The following CACYBP variants were observed in gnomAD, a reference collection of about 807,000 sequenced individuals.
CACYBP encodes calcyclin-binding protein.
CACYBP carries 11 observed loss-of-function variants against 29.6 expected under a neutral mutation model. The ratio of observed to expected loss-of-function variants is 0.37; its 90% confidence interval spans 0.23 to 0.61. The LOEUF (loss-of-function observed/expected upper bound fraction) is 0.61. Among genes scored for constraint, CACYBP ranks in the 20% least tolerant of loss-of-function variants. CACYBP has a pLI of 0.65. For missense variants in CACYBP, 163 were observed against 260.7 expected (o/e 0.63, Z 2.58); for synonymous variants, 73 against 88.3 (o/e 0.83, Z 0.97).
intron 4 of CACYBP, among the ~76,000 whole-genome samples, chr1:175,008,041 G>C (rs904035178): frequency 7.2e-5 from 11 of 152,138 alleles, no homozygotes; most frequent in Admixed American, 6.5e-4. Flanking sequence ...TAGTCCCATA[G>C]GTAGAGTACC....
intron 2 of CACYBP, among the ~76,000 whole-genome samples, chr1:175,006,027 C>G (rs550297796): frequency 6.6e-6 from 1 of 152,162 alleles, no homozygotes; most frequent in African/African-American, 2.4e-5. Flanking sequence ...GAGCAATAGT[C>G]AGGGATATGT....
chr1:175,001,719 C>A (rs1281136384), intron 1 of CACYBP, among the ~76,000 whole-genome samples: 1 of 152,146 alleles, frequency 6.6e-6, no homozygotes, highest in Non-Finnish European at 1.5e-5. Flanking sequence ...TGTGTTTATC[C>A]TTTCATCCGT....
In CACYBP at chr1:175,008,512, T is replaced by C. The variant is rs1672671749; in HGVS notation, c.433-97T>C. On this transcript the variant is annotated intron_variant, in intron 4 of 5. Coordinates refer to ENST00000367679, the MANE Select transcript of CACYBP (RefSeq NM_014412.3). ...GCACCCAAAATAAGTCTATACATAC[T>C]AGGGACTTGATCAATTGAATAGATA... 3 of 706,852 alleles carry C rather than the reference T, an allele frequency of 4.2e-6. No homozygotes were observed. In the South Asian group the frequency reaches 5.3e-5, roughly 12 times the overall value. The allele number at this position is 706,852 out of a possible 1,614,324, so 43.8% of individuals were successfully genotyped here.
chr1:175,009,983 A>C lies in CACYBP; in HGVS notation c.591A>C (p.Lys197Asn), dbSNP rs746637081. 6.2e-7 allele frequency: 1 copy of C among 1,613,272 alleles called. No homozygotes were observed. Among genetic ancestry groups the C allele is most frequent in the Admixed American group, 1.7e-5 (1 of 59,984 alleles). The change falls in exon 6 of 6, where the codon AAA (lysine) becomes AAC (asparagine). Residue 197 changes from lysine to asparagine, a missense_variant. By Grantham distance (94) the Lys-to-Asn change is moderately conservative. Coordinates refer to ENST00000367679, the MANE Select transcript of CACYBP (RefSeq NM_014412.3). ...AGGGATTGATGAATGTTCTAAAGAA[A>C]ATTTATGAAGATGGAGACGATGATA... The part of the protein sequence containing the change: ...PSEGLMNVLK[K>N]IYEDGDDDMK...
chr1:175,009,750 G>A (rs573670145), intron 5 of CACYBP, among the ~76,000 whole-genome samples, 173 bp from the exon 6 acceptor site: 2 of 151,822 alleles, frequency 1.3e-5, no homozygotes, highest in East Asian at 1.9e-4. Context: ...TGCTTGATAC[G>A]TGTGTGTTGT....
chr1:175,006,397 G>T (rs760469293), intron 2 of CACYBP, among the ~76,000 whole-genome samples: 2 of 152,034 alleles, frequency 1.3e-5, no homozygotes, highest in Admixed American at 1.3e-4. Context: ...TTTAGATGTC[G>T]GACAAAATTG....
At chr1:175,000,218 C>A in intron 1 of CACYBP, 23 bp downstream of exon 1, 1 of 1,598,826 alleles carries the variant, frequency 6.3e-7, no homozygotes, top group South Asian at 1.1e-5. Flanking sequence ...GCCCCATATT[C>A]CTTATGCCCC....
intron 2 of CACYBP, chr1:175,005,171 A>T: frequency 3.0e-6 from 1 of 328,664 alleles, no homozygotes; most frequent in Non-Finnish European, 5.8e-6. Flanking sequence ...ACCACAATTA[A>T]CTGAGGAGAG....
rs6677924 is a variant in CACYBP, at chr1:175,006,798, C to G, written c.289C>G (p.His97Asp). The change falls in exon 3 of 6, where the codon CAT becomes GAT. Residue 97 changes from histidine (H) to aspartate (D), a missense_variant. Coordinates refer to ENST00000367679, the MANE Select transcript of CACYBP (RefSeq NM_014412.3). ...AATCTACATTACCTTAACTGGAGTT[C>G]ATCAAGTTCCCACTGAGAATGTGCA... ...VKIYITLTGV[H>D]QVPTENVQVH... 1 of 1,604,084 alleles carries G rather than the reference C, an allele frequency of 6.2e-7. No homozygotes were observed. Among genetic ancestry groups the G allele is most frequent in the Non-Finnish European group, 8.5e-7 (1 of 1,171,330 alleles).
chr1:174,999,648 G>T, upstream of CACYBP: 2 of 228,572 alleles, frequency 8.7e-6, no homozygotes, highest in Non-Finnish European at 8.7e-6. Flanking sequence ...GACGAAAGCA[G>T]GTGACTCTCT....
chr1:175,003,963 T>C (rs1672555258), intron 1 of CACYBP, among the ~76,000 whole-genome samples: 1 of 152,244 alleles, frequency 6.6e-6, no homozygotes, highest in South Asian at 2.1e-4. Context: ...CGGTCTTTTG[T>C]CACCTTCTGT....
intron 2 of CACYBP, 21 bp downstream of exon 2, chr1:175,004,854 G>A: frequency 3.4e-6 from 5 of 1,462,750 alleles, no homozygotes; most frequent in Non-Finnish European, 4.8e-6. Context: ...CTTCCCTATA[G>A]CCAGTTCTGC....
intron 2 of CACYBP, among the ~76,000 whole-genome samples, chr1:175,006,161 C>T (rs1447701749): frequency 6.6e-6 from 1 of 152,114 alleles, no homozygotes; most frequent in Non-Finnish European, 1.5e-5. Flanking sequence ...TCTTCTAGGT[C>T]AGAGACGTGC....
chr1:175,007,256 AT>A, intron 4 of CACYBP, 59 bp downstream of exon 4: 1 of 998,924 alleles, frequency 1.0e-6, no homozygotes. Flanking sequence ...AACCTGGCTG[AT>A]TTAGAACTGA....
intron 1 of CACYBP, 109 bp from the exon 2 acceptor site, chr1:175,004,505 A>C (rs1320463761): frequency 3.1e-6 from 2 of 645,698 alleles, no homozygotes; most frequent in South Asian, 2.7e-5. Context: ...AATTTAGATG[A>C]ACTTCTTAAT....
chr1:175,005,701 C>T (rs1297497233), intron 2 of CACYBP, among the ~76,000 whole-genome samples: 1 of 152,088 alleles, frequency 6.6e-6, no homozygotes, highest in East Asian at 1.9e-4. Context: ...GAAATTGCAC[C>T]GTGTACTCAG....
intron 1 of CACYBP, among the ~76,000 whole-genome samples, chr1:175,003,025 C>T (rs922570445): frequency 6.6e-6 from 1 of 151,958 alleles, no homozygotes; most frequent in Middle Eastern, 3.4e-3. Context: ...TGGTTCTATG[C>T]TCAAAAGATG....
intron 5 of CACYBP, 129 bp downstream of exon 5, chr1:175,008,835 A>G: frequency 1.6e-6 from 1 of 632,896 alleles, no homozygotes; most frequent in Non-Finnish European, 2.9e-6. Flanking sequence ...GGGCACGTCC[A>G]GCAAGTTGCT....
At position 175,008,675 on chromosome 1, in the gene CACYBP, A is replaced by G; in HGVS notation, c.499A>G (p.Thr167Ala). The change falls in exon 5 of 6, where the codon ACC becomes GCC. Residue 167 changes from threonine (T) to alanine (A), a missense_variant. Coordinates refer to ENST00000367679, the MANE Select transcript of CACYBP (RefSeq NM_014412.3). ...KVENTRWDYL[T>A]QVEKECKEKE... Reference sequence around the variant, plus strand: ...GGAAAACACAAGGTGGGATTACCTGACCCAGGTTGAAAAGGAGTGCAAAGA... The same window carrying G: ...GGAAAACACAAGGTGGGATTACCTGGCCCAGGTTGAAAAGGAGTGCAAAGA... 4 of 1,586,536 alleles carry G rather than the reference A, an allele frequency of 2.5e-6. No homozygotes were observed. Among genetic ancestry groups the G allele is most frequent in the Non-Finnish European group, 3.5e-6 (4 of 1,154,922 alleles).
Sources: gnomAD v4.1 joint callset for allele counts (sites outside exome capture counted in the v4.1 genomes callset) on GRCh38, gnomAD v4.1.1 for gene constraint, MANE v1.5 for transcripts, NCBI Gene and HGNC (gene_info 2026-07-23, HGNC 2026-07-21) for gene names.